CPLANE1: variants seen among roughly 807,000 people sequenced by gnomAD.
CPLANE1 encodes ciliogenesis and planar polarity effector 1.
Under a neutral mutation model 362.5 loss-of-function variants are expected in CPLANE1, and 263 were observed. The ratio of observed to expected loss-of-function variants is 0.73; its 90% CI spans 0.66 to 0.80. The LOEUF (loss-of-function observed/expected upper bound fraction) is 0.80. Ranked by LOEUF, CPLANE1 falls within the 30% of genes least tolerant of loss-of-function variation. The pLI is 0.00. For synonymous variants in CPLANE1, 1,212 were observed against 1,302.6 expected (o/e 0.93, Z 1.50); for missense variants, 3,461 against 3,793.4 (o/e 0.91, Z 2.30).
chr5:37,211,804 C>T (rs546984157), intron 16 of CPLANE1: 26 of 800,800 alleles, frequency 3.2e-5, no homozygotes, highest in East Asian at 2.7e-4. Flanking sequence ...TTTTCAGATG[C>T]GGACAAGCTA....
chr5:37,229,970 A>G (rs1797342674), intron 9 of CPLANE1, among the ~76,000 whole-genome samples: 1 of 152,152 alleles, frequency 6.6e-6, no homozygotes, highest in Non-Finnish European at 1.5e-5. Context: ...TGAGGTCAGG[A>G]GTTCCAGACC....
chr5:37,133,309 A>C (rs1240965357), intron 46 of CPLANE1, among the ~76,000 whole-genome samples: 1 of 152,198 alleles, frequency 6.6e-6, no homozygotes, highest in Non-Finnish European at 1.5e-5. Context: ...AATTCTGTTT[A>C]AAATGATATT....
intron 18 of CPLANE1, 149 bp downstream of exon 18, chr5:37,205,166 T>A: frequency 1.8e-6 from 1 of 549,046 alleles, no homozygotes; most frequent in East Asian, 3.7e-5. Context: ...CAAAAAATAA[T>A]AAAATAAAAT....
intron 8 of CPLANE1, among the ~76,000 whole-genome samples, chr5:37,231,646 T>C (rs1203782985): frequency 6.6e-6 from 1 of 152,136 alleles, no homozygotes; most frequent in Non-Finnish European, 1.5e-5. Context: ...AATCAAGATC[T>C]ACTGATAGAT....
chr5:37,140,920 C>T, intron 44 of CPLANE1: 6 of 983,356 alleles, frequency 6.1e-6, no homozygotes, highest in Non-Finnish European at 7.2e-6. Flanking sequence ...TGGCCCAAGA[C>T]AATTCTTCTT....
At position 37,169,564 on chromosome 5, in the gene CPLANE1, G is replaced by T. The variant is rs1324182386; in HGVS notation, c.6463-3C>A. On this transcript the variant is annotated splice_region_variant and splice_polypyrimidine_tract_variant and intron_variant, in intron 33 of 52. Transcript: ENST00000651892. Reference sequence around the variant, plus strand: ...GGAATACTCCCATGTGGAACATTCTGGAAGAGAAAAAAGATATTATGTAAG... The same window carrying T: ...GGAATACTCCCATGTGGAACATTCTTGAAGAGAAAAAAGATATTATGTAAG... 1.3e-6 allele frequency: 2 copies of T among 1,571,638 alleles called. No individual in the cohort carries two copies. The highest frequency in any genetic ancestry group is 8.6e-7 in the Non-Finnish European group (1 of 1,162,178).
Position 37,107,364 on chromosome 5 carries a change from A to G in CPLANE1, c.*238T>C, listed in dbSNP as rs538593659. On this transcript the variant is annotated 3_prime_UTR_variant, in exon 53 of 53. Transcript: ENST00000651892. The stretch of plus-strand genomic sequence containing the variant: ...ATCATTTTAAAAATTATGCCTAATG[A>G]TGCATCAAATACAAAAACATATAAT... 4 of 1,222,996 alleles carry G rather than the reference A, an allele frequency of 3.3e-6. No homozygotes were observed. The highest frequency in any genetic ancestry group is 4.1e-6 in the Non-Finnish European group (4 of 981,052). The allele number at this position is 1,222,996 out of a possible 1,614,324, so 75.8% of individuals were successfully genotyped here.
At chr5:37,102,955 T>C (rs1036185025), downstream of CPLANE1, among the ~76,000 whole-genome samples, 31 of 152,178 alleles carry the variant, frequency 2.0e-4, no homozygotes, top group African/African-American at 7.2e-4. Flanking sequence ...CTTTGTTAAT[T>C]TTCTGTCTTG....
intron 43 of CPLANE1, among the ~76,000 whole-genome samples, chr5:37,144,595 T>C (rs548280172): frequency 2.6e-5 from 4 of 152,110 alleles, no homozygotes; most frequent in Non-Finnish European, 4.4e-5. Flanking sequence ...CTCATGCCTG[T>C]AATCCCAGCA....
At chr5:37,178,164 G>A (rs1184718516) in intron 29 of CPLANE1, among the ~76,000 whole-genome samples, 7 of 152,030 alleles carry the variant, frequency 4.6e-5, no homozygotes, top group Non-Finnish European at 7.4e-5. Flanking sequence ...GCATGGTGGC[G>A]CATACCTGTA....
At chr5:37,175,819 G>C in intron 31 of CPLANE1, 90 bp downstream of exon 31, 1 of 848,758 alleles carries the variant, frequency 1.2e-6, no homozygotes, top group Non-Finnish European at 1.9e-6. Context: ...TGTAGCAATT[G>C]TTTCAAAAAT....
At chr5:37,156,049 T>C (rs1775009109) in intron 41 of CPLANE1, among the ~76,000 whole-genome samples, 1 of 152,240 alleles carries the variant, frequency 6.6e-6, no homozygotes, top group Admixed American at 6.5e-5. Context: ...TATATGCAGC[T>C]GTTAATACAC....
chr5:37,187,826 A>G lies in CPLANE1; in HGVS notation c.3828T>C (p.Leu1276=), dbSNP rs145520487. The change falls in exon 22 of 53, where the codon CTT becomes CTC. Residue 1276 remains leucine, a synonymous_variant. Coordinates refer to ENST00000651892, the MANE Select transcript of CPLANE1 (RefSeq NM_001384732.1). ...CATGCAGCATCCAACACAGAGCACAAAGTTCTCTGAAGCAACCTAAAGCAG... is the reference window on the plus strand; with the variant it reads ...CATGCAGCATCCAACACAGAGCACAGAGTTCTCTGAAGCAACCTAAAGCAG... ...SIRAIGCFRE[L]CALCWMLHVR... 9.2e-4 allele frequency: 1,488 copies of G among 1,613,030 alleles called. 3 individuals carry two copies. Among genetic ancestry groups the G allele is most frequent in the Admixed American group, 2.0e-3 (119 of 59,932 alleles).
At chr5:37,137,024 T>C (rs767921941) in intron 46 of CPLANE1, among the ~76,000 whole-genome samples, 1 of 152,232 alleles carries the variant, frequency 6.6e-6, no homozygotes. Context: ...CTTCTCATTA[T>C]TTATGGAAAT....
intron 21 of CPLANE1, among the ~76,000 whole-genome samples, chr5:37,193,866 A>G (rs1397881110): frequency 6.6e-6 from 1 of 151,828 alleles, no homozygotes; most frequent in African/African-American, 2.4e-5. Context: ...AGCCTCCCCA[A>G]AGTACTGAGA....
At position 37,170,073 on chromosome 5, in the gene CPLANE1, G is replaced by A; in HGVS notation, c.6430C>T (p.Pro2144Ser). Residue 2144 changes from proline to serine, a missense_variant, in exon 33 of 53, where the codon CCA becomes TCA. Transcript: ENST00000651892. ...TTTCCAGTACTATTTTGACCAGATG[G>A]GATAGTTCCTTCATGGCAGTGTGGG... ...NSPHCHEGTI[P>S]SGQNSTGNVQ... The A allele has an allele frequency of 6.2e-7, 1 of 1,614,090 alleles. No homozygotes were observed. Among genetic ancestry groups the A allele is most frequent in the Non-Finnish European group, 8.5e-7 (1 of 1,180,020 alleles).
At chr5:37,156,827 A>G (rs1775243686) in intron 41 of CPLANE1, among the ~76,000 whole-genome samples, 1 of 152,174 alleles carries the variant, frequency 6.6e-6, no homozygotes. Flanking sequence ...GAAACTACCT[A>G]TTGGGTACTA....
In CPLANE1 at chr5:37,226,579, C is replaced by G; in HGVS notation, c.2016G>C (p.Leu672=). The G allele has an allele frequency of 1.3e-6, 2 of 1,550,480 alleles. No homozygotes were observed. The highest frequency in any genetic ancestry group is 2.7e-5 in the African/African-American group (2 of 73,144). ...KLTSNTVKLL[L]TQQQKGQLFS... is the part of the protein sequence containing the mutation. The stretch of plus-strand genomic sequence containing the variant: ...ATAACTGACCCTTTTGTTGCTGAGT[C>G]AGCAAAAGTTTTACAGTATTTGAGG... Residue 672 remains leucine (L), a synonymous_variant, in exon 12 of 53, where the codon CTG becomes CTC. Coordinates refer to ENST00000651892, the MANE Select transcript of CPLANE1 (RefSeq NM_001384732.1).
intron 39 of CPLANE1, 109 bp downstream of exon 39, chr5:37,158,115 T>C: frequency 2.4e-6 from 3 of 1,244,904 alleles, no homozygotes; most frequent in Non-Finnish European, 3.4e-6. Flanking sequence ...CAAAGCTACA[T>C]AGATGAGATT....
Sources: gnomAD v4.1 joint callset for allele counts (sites outside exome capture counted in the v4.1 genomes callset) on GRCh38, gnomAD v4.1.1 for gene constraint, MANE v1.5 for transcripts, NCBI Gene and HGNC (gene_info 2026-07-23, HGNC 2026-07-21) for gene names.